The following LPGAT1 variants were observed in gnomAD, a reference collection of about 807,000 sequenced individuals.
LPGAT1 encodes lysophosphatidylglycerol acyltransferase 1, also known as acyl-CoA:lysophosphatidylglycerol acyltransferase 1.
In LPGAT1, 11 loss-of-function variants were observed where a neutral mutation model predicts 47.5. That is an observed-to-expected ratio of 0.23 (90% CI 0.15 to 0.38). LPGAT1 has a LOEUF of 0.38. Ranked by LOEUF, LPGAT1 falls within the 10% of genes least tolerant of loss-of-function variation. The pLI, the probability that LPGAT1 is intolerant of heterozygous loss-of-function variation, is 1.00. For missense variants in LPGAT1, 293 were observed against 439.0 expected, an observed-to-expected ratio of 0.67 and a Z score of 2.97; for synonymous variants, 138 against 144.2, an observed-to-expected ratio of 0.96 and a Z score of 0.31.
chr1:211,759,794 TCTA>T (rs1234906173), intron 6 of LPGAT1, among the ~76,000 whole-genome samples: 1 of 152,210 alleles, frequency 6.6e-6, no homozygotes, highest in Non-Finnish European at 1.5e-5. Context: ...CCTCTTATGC[TCTA>T]CTGATAAACA....
chr1:211,784,469 T>G, intron 4 of LPGAT1, among the ~76,000 whole-genome samples: 1 of 140,810 alleles, frequency 7.1e-6, no homozygotes. Context: ...CCAGCCTGGG[T>G]GATAGAGTGA....
At chr1:211,773,466 T>A (rs1312025146) in intron 6 of LPGAT1, among the ~76,000 whole-genome samples, 1 of 152,168 alleles carries the variant, frequency 6.6e-6, no homozygotes, top group Non-Finnish European at 1.5e-5. Flanking sequence ...GTAACCAAAG[T>A]CCTAATCAAG....
rs1021368881 is a variant in LPGAT1, at chr1:211,744,549, A to G, written c.*5350T>C. 3 of 152,212 alleles carry G rather than the reference A, an allele frequency of 2.0e-5. No homozygotes were observed. Among genetic ancestry groups the G allele is most frequent in the Admixed American group, 2.0e-4 (3 of 15,274 alleles). The allele number at this position is 152,212 out of a possible 1,614,324, so 9.4% of individuals were successfully genotyped here. ...AGGTTGACTGTAGGAGTTGAGCAAA[A>G]AGCAATTAAGTATCCTTTTAAAAAA... On this transcript the variant is annotated 3_prime_UTR_variant, in exon 8 of 8. Transcript: ENST00000366997.
At chr1:211,820,086 C>T (rs111554219) in intron 2 of LPGAT1, among the ~76,000 whole-genome samples, 372 of 152,062 alleles carry the variant, frequency 2.4e-3, no homozygotes, top group African/African-American at 7.5e-3. Context: ...TCAGAATTAG[C>T]GGCAAAAGAC....
At chr1:211,796,110 A>G (rs1659340974) in intron 2 of LPGAT1, among the ~76,000 whole-genome samples, 1 of 152,166 alleles carries the variant, frequency 6.6e-6, no homozygotes, top group African/African-American at 2.4e-5. Context: ...TATAACTGCA[A>G]ATAAGAATAA....
chr1:211,824,996 C>G (rs984566552), intron 2 of LPGAT1, among the ~76,000 whole-genome samples: 30 of 152,046 alleles, frequency 2.0e-4, no homozygotes, highest in Admixed American at 3.9e-4. Flanking sequence ...CCCTAAAGCC[C>G]CCCCCAAATA....
At chr1:211,775,973 C>A (rs1447763995) in intron 6 of LPGAT1, among the ~76,000 whole-genome samples, 1 of 150,524 alleles carries the variant, frequency 6.6e-6, no homozygotes, top group Non-Finnish European at 1.5e-5. Context: ...TTACTACTAC[C>A]TATGAATTTG....
At chr1:211,753,998 C>T (rs376572196) in intron 6 of LPGAT1, among the ~76,000 whole-genome samples, 1 of 152,112 alleles carries the variant, frequency 6.6e-6, no homozygotes, top group East Asian at 1.9e-4. Flanking sequence ...AGTGAAGGCC[C>T]GATTGCTAGC....
At chr1:211,777,646 A>G (rs1658459227) in intron 6 of LPGAT1, among the ~76,000 whole-genome samples, 1 of 152,264 alleles carries the variant, frequency 6.6e-6, no homozygotes, top group Non-Finnish European at 1.5e-5. Context: ...TAAAAATTTA[A>G]AAGTGTAAGT....
Position 211,745,622 on chromosome 1 carries a change from A to T in LPGAT1, c.*4277T>A, listed in dbSNP as rs1408848015. 1 of 152,644 alleles carries T rather than the reference A, an allele frequency of 6.6e-6. No individual in the cohort carries two copies. Among genetic ancestry groups the T allele is most frequent in the African/African-American group, 2.4e-5 (1 of 41,466 alleles). 9.5% of individuals were successfully genotyped at this position (152,644 alleles called of 1,614,324 possible). A position where few individuals can be genotyped will look rare whatever the true frequency, so the allele number is the denominator to read the frequency against. On this transcript the variant is annotated 3_prime_UTR_variant, in exon 8 of 8. Transcript: ENST00000366997. Reference sequence around the variant, plus strand: ...CAGAAAAACCCATATTTTATCTTCCATGTGGCTACAGTCACCCTTCCCCAA... The same window carrying T: ...CAGAAAAACCCATATTTTATCTTCCTTGTGGCTACAGTCACCCTTCCCCAA...
chr1:211,778,340 T>C (rs1224700573), intron 6 of LPGAT1, among the ~76,000 whole-genome samples: 1 of 100,058 alleles, frequency 1.0e-5, no homozygotes, highest in African/African-American at 4.0e-5. Context: ...AGACTCTGTC[T>C]CAAAAAAAAA....
At chr1:211,792,590 T>C (rs1166001163) in intron 3 of LPGAT1, among the ~76,000 whole-genome samples, 1 of 151,708 alleles carries the variant, frequency 6.6e-6, no homozygotes, top group African/African-American at 2.4e-5. Flanking sequence ...ACATTCCCAC[T>C]TCTGGGTGAC....
intron 4 of LPGAT1, among the ~76,000 whole-genome samples, chr1:211,786,015 C>T (rs1406567816): frequency 6.6e-6 from 1 of 152,154 alleles, no homozygotes; most frequent in East Asian, 1.9e-4. Flanking sequence ...GCTAGCTTTT[C>T]GGATCCCTGA....
At chr1:211,783,600 CACAGA>C in intron 4 of LPGAT1, 98 bp from the exon 5 acceptor site, 1 of 1,204,322 alleles carries the variant, frequency 8.3e-7, no homozygotes, top group Non-Finnish European at 1.1e-6. Context: ...AAAATCCAAT[CACAGA>C]ATAGAATAGT....
At chr1:211,807,303 TAA>T (rs142237929) in intron 2 of LPGAT1, among the ~76,000 whole-genome samples, 369 of 151,846 alleles carry the variant, frequency 2.4e-3, no homozygotes, top group African/African-American at 8.5e-3. Context: ...GGTTATGGAT[TAA>T]AAGACTCAAC....
intron 2 of LPGAT1, among the ~76,000 whole-genome samples, chr1:211,828,569 G>C (rs569312197): frequency 5.3e-5 from 8 of 152,092 alleles, no homozygotes; most frequent in Non-Finnish European, 1.2e-4. Flanking sequence ...AGAAACATAC[G>C]TAAGAGAAAA....
In LPGAT1 at chr1:211,830,744, C is replaced by A. The variant is rs2102620090; in HGVS notation, c.-199G>T. ...CGCCGAGACTCGGTCCCCAAGGGCC[C>A]GGCCGCGTTCGCCCGGACTGGCGGG... On this transcript the variant is annotated 5_prime_UTR_variant, in exon 1 of 8. Coordinates refer to ENST00000366997, the MANE Select transcript of LPGAT1 (RefSeq NM_014873.3). This position sits in a 1 kb window ranked among gnomAD's most constrained non-coding sequence, Gnocchi z 5.9. 1 of 1,167,390 alleles carries A rather than the reference C, an allele frequency of 8.6e-7. No homozygotes were observed. Among genetic ancestry groups the A allele is most frequent in the East Asian group, 3.9e-5 (1 of 25,518 alleles). The allele number at this position is 1,167,390 out of a possible 1,614,324, so 72.3% of individuals were successfully genotyped here. A position where few individuals can be genotyped will look rare whatever the true frequency, so the allele number is the denominator to read the frequency against.
chr1:211,819,652 G>A (rs1271533935), intron 2 of LPGAT1, among the ~76,000 whole-genome samples: 1 of 152,176 alleles, frequency 6.6e-6, no homozygotes, highest in African/African-American at 2.4e-5. Context: ...GGGCCTGACA[G>A]TGGCAGATCT....
intron 2 of LPGAT1, among the ~76,000 whole-genome samples, chr1:211,796,632 G>T (rs1336257802): frequency 3.3e-5 from 5 of 151,962 alleles, no homozygotes; most frequent in African/African-American, 1.2e-4. Flanking sequence ...CAGCCCTAAG[G>T]AATTAACATA....
Sources: gnomAD v4.1 joint callset for allele counts (sites outside exome capture counted in the v4.1 genomes callset) on GRCh38, gnomAD v4.1.1 for gene constraint, Gnocchi (gnomAD v3.1) non-coding constraint, MANE v1.5 for transcripts, NCBI Gene and HGNC (gene_info 2026-07-23, HGNC 2026-07-21) for gene names.